The following GPR19 variants were observed in gnomAD, a reference collection of about 807,000 sequenced individuals.
GPR19 encodes G protein-coupled receptor 19, also known as probable G protein-coupled receptor 19.
In GPR19, 14 loss-of-function variants were observed where a neutral mutation model predicts 28.5. The observed-to-expected ratio is 0.49, with a 90% CI of 0.32 to 0.77. The LOEUF (loss-of-function observed/expected upper bound fraction) is 0.77, where lower values mean the gene tolerates loss of function less well. GPR19 is among the 30% of genes least tolerant of loss of function. The probability of loss-of-function intolerance (pLI) is 0.03; values close to 1 mark genes in which losing one functional copy is unlikely to be tolerated. For synonymous variants in GPR19, 173 were observed against 184.1 expected (o/e 0.94, Z 0.49); for missense variants, 409 against 504.1 (o/e 0.81, Z 1.81).
chr12:12,675,244 A>C (rs982967908), intron 3 of GPR19, among the ~76,000 whole-genome samples: 4 of 152,150 alleles, frequency 2.6e-5, no homozygotes, highest in African/African-American at 9.7e-5. Flanking sequence ...AGAGAGAAAG[A>C]GGGATAAGTG....
intron 3 of GPR19, among the ~76,000 whole-genome samples, chr12:12,669,507 G>A (rs1178741475): frequency 6.6e-6 from 1 of 152,128 alleles, no homozygotes; most frequent in Non-Finnish European, 1.5e-5. Flanking sequence ...GGCTTGATTT[G>A]TTTACATGTG....
chr12:12,716,856 C>G, the GPR19 span: 1 of 984,520 alleles, frequency 1.0e-6, no homozygotes, highest in Non-Finnish European at 1.2e-6. Context: ...GCCCAGCCCC[C>G]CCAGCAAACG....
intron 2 of GPR19, among the ~76,000 whole-genome samples, chr12:12,692,881 T>C (rs1169869974): frequency 6.6e-6 from 1 of 152,196 alleles, no homozygotes; most frequent in Non-Finnish European, 1.5e-5. Flanking sequence ...CCAATCTGTC[T>C]AGCATTCCTA....
Position 12,661,242 on chromosome 12 carries a change from C to T in GPR19, c.1207G>A (p.Ala403Thr). Residue 403 changes from alanine (A) to threonine (T), a missense_variant, in exon 4 of 4, where the codon GCT becomes ACT. Physicochemically the swap from Ala to Thr is moderately conservative, Grantham distance 58. Transcript: ENST00000651487. This position sits in a 1 kb window ranked among gnomAD's most constrained non-coding sequence, Gnocchi z 4.2. ...GGTGGATTTGAGTTAATGGGCCAAG[C>T]AAGCTTTTTTTCCTTGGCTTCTCTG... The part of the protein sequence containing the change: ...FDREAKEKKL[A>T]WPINSNPPNT... 6.2e-7 allele frequency: 1 copy of T among 1,612,170 alleles called. No homozygotes were observed. Among genetic ancestry groups the T allele is most frequent in the Non-Finnish European group, 8.5e-7 (1 of 1,179,200 alleles).
intron 2 of GPR19, among the ~76,000 whole-genome samples, chr12:12,695,226 C>T (rs1039885759): frequency 6.6e-6 from 1 of 152,182 alleles, no homozygotes; most frequent in South Asian, 2.1e-4. Flanking sequence ...CATAGAATTG[C>T]TGCCGATATC....
chr12:12,662,317 A>G lies in GPR19; in HGVS notation c.132T>C (p.Ser44=), dbSNP rs1449283804. The G allele has an allele frequency of 6.2e-7, 1 of 1,614,178 alleles. No homozygotes were observed. Among genetic ancestry groups the G allele is most frequent in the African/African-American group, 1.3e-5 (1 of 75,044 alleles). The change falls in exon 4 of 4, where the codon AGT becomes AGC. Residue 44 remains serine, a synonymous_variant. Transcript: ENST00000651487. ...PLPSQYLMEL[S]EEHSWMSNQT... is the part of the protein sequence containing the mutation. Reference sequence around the variant, plus strand: ...GGTTGCTCATCCAACTGTGCTCCTCACTTAATTCCATCAGGTATTGGCTTG... The same window carrying G: ...GGTTGCTCATCCAACTGTGCTCCTCGCTTAATTCCATCAGGTATTGGCTTG...
At chr12:12,675,572 A>C (rs192774444) in intron 3 of GPR19, among the ~76,000 whole-genome samples, 21 of 152,202 alleles carry the variant, frequency 1.4e-4, no homozygotes, top group African/African-American at 4.8e-4. Flanking sequence ...ATCTAAGCAC[A>C]TGAGCCCTTA....
chr12:12,680,932 G>GC (rs1258762751), intron 3 of GPR19, among the ~76,000 whole-genome samples: 7 of 152,118 alleles, frequency 4.6e-5, no homozygotes, highest in Non-Finnish European at 7.4e-5. Context: ...TAAGTATTCT[G>GC]CCCCCCTCAG....
At chr12:12,699,071 A>T (rs1419088596), upstream of GPR19, among the ~76,000 whole-genome samples, 1 of 152,012 alleles carries the variant, frequency 6.6e-6, no homozygotes, top group Non-Finnish European at 1.5e-5. Flanking sequence ...GGCCAGGCAC[A>T]GTGGCTCACG....
chr12:12,695,273 G>C (rs1232308443), intron 2 of GPR19, among the ~76,000 whole-genome samples, 186 bp downstream of exon 2: 1 of 152,244 alleles, frequency 6.6e-6, no homozygotes, highest in Non-Finnish European at 1.5e-5. Flanking sequence ...TGGGAGGCTA[G>C]AGGCTAGAAG....
the GPR19 span, among the ~76,000 whole-genome samples, chr12:12,714,550 A>G: frequency 6.6e-6 from 1 of 152,184 alleles, no homozygotes; most frequent in East Asian, 1.9e-4. Context: ...CTAAGTAGGA[A>G]AACAGCAGTG....
chr12:12,692,734 C>T (rs915400173), intron 2 of GPR19, among the ~76,000 whole-genome samples: 2 of 151,820 alleles, frequency 1.3e-5, no homozygotes, highest in Middle Eastern at 3.2e-3. Flanking sequence ...GGCTTAAGCC[C>T]CTTTCTCCTT....
At chr12:12,713,981 A>G in the GPR19 span, among the ~76,000 whole-genome samples, 1 of 151,974 alleles carries the variant, frequency 6.6e-6, no homozygotes, top group Non-Finnish European at 1.5e-5. Flanking sequence ...TGCTGTGTTC[A>G]TTTTCTGTCT....
intron 3 of GPR19, among the ~76,000 whole-genome samples, chr12:12,667,695 A>G (rs1290323271): frequency 9.2e-6 from 1 of 109,114 alleles, no homozygotes. Context: ...CATCTCAATT[A>G]GAAAAAAAAA....
the GPR19 span, among the ~76,000 whole-genome samples, chr12:12,707,041 C>T: frequency 2.0e-5 from 3 of 151,940 alleles, no homozygotes; most frequent in South Asian, 6.2e-4. Context: ...GGGGTCTCTA[C>T]TTCCTTCTTC....
upstream of GPR19, chr12:12,696,198 T>C (rs1387730019): frequency 6.6e-6 from 1 of 152,022 alleles, no homozygotes; most frequent in Non-Finnish European, 1.5e-5. Flanking sequence ...TTTTGAAACT[T>C]TTGCGCGCTA....
intron 3 of GPR19, among the ~76,000 whole-genome samples, chr12:12,674,337 G>A (rs1214200144): frequency 2.0e-5 from 3 of 151,614 alleles, no homozygotes; most frequent in Non-Finnish European, 4.4e-5. Flanking sequence ...CTACTTGGGA[G>A]GCTGAGGCAG....
chr12:12,665,403 T>A (rs1945755849), intron 3 of GPR19, among the ~76,000 whole-genome samples: 1 of 152,150 alleles, frequency 6.6e-6, no homozygotes, highest in Non-Finnish European at 1.5e-5. Context: ...AGGATCCCAA[T>A]GCTCAGAAAC....
the GPR19 span, among the ~76,000 whole-genome samples, chr12:12,704,008 G>C: frequency 1.2e-4 from 18 of 152,234 alleles, no homozygotes; most frequent in Non-Finnish European, 8.8e-5. Context: ...CATAGAGACA[G>C]TGTATGTGTT....
Sources: gnomAD v4.1 joint callset for allele counts (sites outside exome capture counted in the v4.1 genomes callset) on GRCh38, gnomAD v4.1.1 for gene constraint, Gnocchi (gnomAD v3.1) non-coding constraint, MANE v1.5 for transcripts, NCBI Gene and HGNC (gene_info 2026-07-23, HGNC 2026-07-21) for gene names.